The following ZNF385D variants were observed in gnomAD, a reference collection of about 807,000 sequenced individuals.
The protein encoded by ZNF385D is zinc finger protein 385D.
In ZNF385D, 15 loss-of-function variants were observed where a neutral mutation model predicts 35.8. The ratio of observed to expected loss-of-function variants is 0.42; its 90% CI spans 0.28 to 0.64. ZNF385D has a LOEUF of 0.64. Ranked by LOEUF, ZNF385D falls within the 30% of genes least tolerant of loss-of-function variation. The pLI, the probability that ZNF385D is intolerant of heterozygous loss-of-function variation, is 0.23. For synonymous variants in ZNF385D, 212 were observed against 186.8 expected, an observed-to-expected ratio of 1.13 and a Z score of -1.10; for missense variants, 474 against 494.6, an observed-to-expected ratio of 0.96 and a Z score of 0.39.
intron 2 of ZNF385D, among the ~76,000 whole-genome samples, chr3:22,294,561 T>C (rs1488984999): frequency 6.6e-6 from 1 of 152,136 alleles, no homozygotes; most frequent in African/African-American, 2.4e-5. Context: ...TATATTGATT[T>C]CATTTAAAAT....
At chr3:22,098,465 C>A (rs944511112) in intron 3 of ZNF385D, among the ~76,000 whole-genome samples, 1 of 151,992 alleles carries the variant, frequency 6.6e-6, no homozygotes, top group Non-Finnish European at 1.5e-5. Context: ...GAAGAAAACA[C>A]ATTAAATTTA....
At chr3:21,560,659 G>A (rs1348524575) in intron 3 of ZNF385D, among the ~76,000 whole-genome samples, 1 of 152,224 alleles carries the variant, frequency 6.6e-6, no homozygotes, top group East Asian at 1.9e-4. Context: ...ACCCTTAGCA[G>A]AGCTCGAACG....
intron 2 of ZNF385D, among the ~76,000 whole-genome samples, chr3:22,292,259 T>C (rs1408341950): frequency 6.6e-6 from 1 of 152,096 alleles, no homozygotes; most frequent in Non-Finnish European, 1.5e-5. Flanking sequence ...AGCCCTAACA[T>C]ACATGTAAAA....
chr3:21,692,355 G>C (rs913271433), intron 1 of ZNF385D, among the ~76,000 whole-genome samples: 1 of 152,050 alleles, frequency 6.6e-6, no homozygotes, highest in Non-Finnish European at 1.5e-5. Context: ...CCACTTTGCT[G>C]GATTTTCTAA....
chr3:21,777,400 G>A (rs1004763879), intron 3 of ZNF385D, among the ~76,000 whole-genome samples: 2 of 151,910 alleles, frequency 1.3e-5, no homozygotes, highest in Admixed American at 1.3e-4. Flanking sequence ...AGGATGGTGA[G>A]AGGAGATGGG....
At chr3:22,231,514 C>T (rs904993893) in intron 2 of ZNF385D, among the ~76,000 whole-genome samples, 7 of 152,144 alleles carry the variant, frequency 4.6e-5, no homozygotes, top group African/African-American at 1.7e-4. Flanking sequence ...GTCTGAACAG[C>T]TTTCTTCAGT....
At chr3:21,878,215 C>A (rs1170727441) in intron 3 of ZNF385D, 4 of 151,880 alleles carry the variant, frequency 2.6e-5, no homozygotes, top group African/African-American at 9.7e-5. Flanking sequence ...ATAGAGAGAT[C>A]TTAAGTAACT....
In ZNF385D at chr3:21,677,287, A is replaced by G. The variant is rs1262773725; in HGVS notation, c.23-12259T>C. Among the ~76,000 whole-genome samples, 6 of 152,172 alleles carry G rather than the reference A, an allele frequency of 3.9e-5. No homozygotes were observed. In the East Asian group the frequency reaches 9.7e-4, roughly 25 times the overall value. ...ACCAGAAGTCCAAGATCAGAGGCCAAGGTTAATGAGAAAACACAGGTTTTT... is the reference window on the plus strand; with the variant it reads ...ACCAGAAGTCCAAGATCAGAGGCCAGGGTTAATGAGAAAACACAGGTTTTT... On this transcript the variant is annotated intron_variant, in intron 1 of 7. Coordinates refer to ENST00000281523, the MANE Select transcript of ZNF385D (RefSeq NM_024697.3).
intron 3 of ZNF385D, among the ~76,000 whole-genome samples, chr3:21,517,949 T>A (rs1165765194): frequency 6.6e-6 from 1 of 152,040 alleles, no homozygotes; most frequent in Non-Finnish European, 1.5e-5. Context: ...CTGTTAGAAA[T>A]AGAAATTCTC....
intron 3 of ZNF385D, among the ~76,000 whole-genome samples, chr3:22,066,478 G>T (rs567324208): frequency 6.7e-6 from 1 of 148,430 alleles, no homozygotes; most frequent in Non-Finnish European, 1.5e-5. Context: ...GTGTGTGTGT[G>T]TGTGTGTGTG....
chr3:21,673,068 A>G lies in ZNF385D; in HGVS notation c.23-8040T>C, dbSNP rs1019884939. 3.3e-5 allele frequency among the ~76,000 whole-genome samples: 5 copies of G among 152,216 alleles called. No individual in the cohort carries two copies. In the East Asian group the frequency reaches 7.7e-4, roughly 24 times the overall value. On this transcript the variant is annotated intron_variant, in intron 1 of 7. Transcript: ENST00000281523. ...AGATTTTGCCTGGAATATTCCTCTC[A>G]AGTTTACTGCTAGTGATATAGAATA... is the stretch of plus-strand genomic sequence containing the variant.
chr3:21,958,178 C>T (rs1302568824), intron 3 of ZNF385D, among the ~76,000 whole-genome samples: 1 of 152,086 alleles, frequency 6.6e-6, no homozygotes, highest in African/African-American at 2.4e-5. Context: ...AGATCATATT[C>T]TATCGTTTCT....
In ZNF385D at chr3:22,078,190, A is replaced by G. The variant is rs551823961; in HGVS notation, c.325+90627T>C. ...ATGCAATGTTCAAAATGTTTAACAAACACCTTTTTAAAAAATAATCACAGC... is the reference window on the plus strand; with the variant it reads ...ATGCAATGTTCAAAATGTTTAACAAGCACCTTTTTAAAAAATAATCACAGC... On this transcript the variant is annotated intron_variant, in intron 3 of 5. Transcript: ENST00000494108. 2.2e-3 allele frequency among the ~76,000 whole-genome samples: 340 copies of G among 151,438 alleles called. 1 individual carries two copies. The highest frequency in any genetic ancestry group is 4.3e-3 in the Non-Finnish European group (288 of 67,470).
At chr3:21,968,453 G>C (rs1262760384) in intron 3 of ZNF385D, among the ~76,000 whole-genome samples, 1 of 152,110 alleles carries the variant, frequency 6.6e-6, no homozygotes, top group Admixed American at 6.6e-5. Flanking sequence ...GAGTGCTTGA[G>C]TCATCCCTCC....
At chr3:21,893,407 C>G (rs1698979980) in intron 3 of ZNF385D, among the ~76,000 whole-genome samples, 1 of 152,126 alleles carries the variant, frequency 6.6e-6, no homozygotes, top group Non-Finnish European at 1.5e-5. Flanking sequence ...AAATGGCACT[C>G]ATGTCATCGA....
At chr3:22,192,657 C>A (rs1430146620) in intron 2 of ZNF385D, among the ~76,000 whole-genome samples, 6 of 152,138 alleles carry the variant, frequency 3.9e-5, no homozygotes, top group Non-Finnish European at 5.9e-5. Context: ...TGGCCAACAT[C>A]CTGACTACAA....
At chr3:21,882,122 G>A (rs527367401) in intron 3 of ZNF385D, among the ~76,000 whole-genome samples, 2 of 152,106 alleles carry the variant, frequency 1.3e-5, no homozygotes, top group African/African-American at 2.4e-5. Flanking sequence ...ATAAATCAGT[G>A]GCAGAGTTTC....
chr3:22,065,754 TA>T (rs1250506071), intron 3 of ZNF385D, among the ~76,000 whole-genome samples: 1 of 152,112 alleles, frequency 6.6e-6, no homozygotes, highest in Non-Finnish European at 1.5e-5. Flanking sequence ...AACCAGCACA[TA>T]AATGTCTATC....
At chr3:22,198,583 C>G (rs1263865945) in intron 2 of ZNF385D, among the ~76,000 whole-genome samples, 1 of 152,008 alleles carries the variant, frequency 6.6e-6, no homozygotes, top group Non-Finnish European at 1.5e-5. Context: ...TTATCTCAAC[C>G]AAAACCTGGC....
Sources: allele counts gnomAD v4.1 joint callset (sites outside exome capture counted in the v4.1 genomes callset), GRCh38; gene constraint gnomAD v4.1.1; transcripts MANE v1.5; gene names NCBI Gene and HGNC (gene_info 2026-07-23, HGNC 2026-07-21).